Variants in ARHGEF10 observed in about 807,000 individuals in gnomAD.
The protein encoded by ARHGEF10 is Rho guanine nucleotide exchange factor (GEF) 10.
ARHGEF10 carries 140 observed loss-of-function variants against 147.4 expected under a neutral mutation model. That is an observed-to-expected ratio of 0.95 (90% confidence interval 0.83 to 1.09). The LOEUF (loss-of-function observed/expected upper bound fraction) is 1.09. Ranked by LOEUF, ARHGEF10 falls within the 50% of genes least tolerant of loss-of-function variation. ARHGEF10 has a pLI of 0.00. For synonymous variants in ARHGEF10, 902 were observed against 695.8 expected, an observed-to-expected ratio of 1.30 and a Z score of -4.67; for missense variants, 2,222 against 1,752.7, an observed-to-expected ratio of 1.27 and a Z score of -4.78.
rs139937386 is a variant in ARHGEF10 at position 1,885,679 on chromosome 8, C to T, written c.1154C>T (p.Pro385Leu). 81 of 1,613,772 alleles carry T rather than the reference C, an allele frequency of 5.0e-5. No individual in the cohort carries two copies. The highest frequency in any genetic ancestry group is 1.5e-4 in the African/African-American group (11 of 74,894). Residue 385 changes from proline (P) to leucine (L), a missense_variant, in exon 11 of 29, where the codon CCG (proline) becomes CTG (leucine). Physicochemically the swap from Pro to Leu is moderately conservative, Grantham distance 98 (BLOSUM62 -3). Transcript: ENST00000349830. ...DCKHPEAILT[P>L]MPEGLSQQQV... ...AAGCACCCGGAAGCCATCTTGACCC[C>T]GATGCCCGAGGGTTTATCTCAGCAG...
chr8:1,956,938 C>T lies in ARHGEF10; in HGVS notation c.3710C>T (p.Pro1237Leu). Residue 1237 changes from proline to leucine, a missense_variant, in exon 29 of 29, where the codon CCT becomes CTT. Transcript: ENST00000349830. ...GAGSSLSQGD[P>L]DAAIWLGDSL... ...GGTTCATCTCTGAGCCAGGGTGACCCTGACGCAGCCATCTGGTTGGGAGAT... is the reference window on the plus strand; with the variant it reads ...GGTTCATCTCTGAGCCAGGGTGACCTTGACGCAGCCATCTGGTTGGGAGAT... 6.2e-7 allele frequency: 1 copy of T among 1,614,206 alleles called. No homozygotes were observed. The highest frequency in any genetic ancestry group is 8.5e-7 in the Non-Finnish European group (1 of 1,180,042).
intron 17 of ARHGEF10, among the ~76,000 whole-genome samples, chr8:1,908,084 T>C (rs1811044243): frequency 6.6e-6 from 1 of 152,142 alleles, no homozygotes; most frequent in Admixed American, 6.5e-5. Context: ...CCTTCCTGTA[T>C]GGACTGGATG....
chr8:1,926,808 C>T (rs1295374518), intron 23 of ARHGEF10: 2 of 344,322 alleles, frequency 5.8e-6, no homozygotes, highest in Non-Finnish European at 1.1e-5. Flanking sequence ...CCAAGACTGG[C>T]TTTTTCCAGT....
At chr8:1,872,920 G>C (rs1159992420) in intron 7 of ARHGEF10, among the ~76,000 whole-genome samples, 2 of 152,238 alleles carry the variant, frequency 1.3e-5, no homozygotes, top group Non-Finnish European at 2.9e-5. Flanking sequence ...GTGCCACAAA[G>C]AAAGTGAGGA....
intron 16 of ARHGEF10, chr8:1,903,984 C>G (rs1443677020): frequency 6.1e-6 from 1 of 165,196 alleles, no homozygotes; most frequent in Middle Eastern, 3.1e-3. Context: ...ATAGTCTGAG[C>G]TACGTGGGAG....
chr8:1,861,417 C>T (rs1254470194), intron 4 of ARHGEF10, among the ~76,000 whole-genome samples: 2 of 152,338 alleles, frequency 1.3e-5, no homozygotes, highest in East Asian at 1.9e-4. Context: ...CCTCTGTCTT[C>T]AGGAGCGACC....
chr8:1,944,594 G>C (rs1273691041), intron 26 of ARHGEF10, among the ~76,000 whole-genome samples: 1 of 152,220 alleles, frequency 6.6e-6, no homozygotes, highest in Non-Finnish European at 1.5e-5. Flanking sequence ...ACAACTCGTA[G>C]GGCCAAGATG....
chr8:1,861,192 C>G (rs1026756094), intron 4 of ARHGEF10, among the ~76,000 whole-genome samples: 10 of 152,246 alleles, frequency 6.6e-5, no homozygotes, highest in Non-Finnish European at 1.3e-4. Flanking sequence ...GCCATGTGCT[C>G]TAGAAGGGGC....
intron 26 of ARHGEF10, among the ~76,000 whole-genome samples, chr8:1,938,159 ATC>A (rs1813776567): frequency 6.6e-6 from 1 of 152,084 alleles, no homozygotes; most frequent in Non-Finnish European, 1.5e-5. Flanking sequence ...GAGGGGAAGT[ATC>A]TCTTTTTCTC....
At chr8:1,890,935 G>T (rs185768401) in intron 11 of ARHGEF10, among the ~76,000 whole-genome samples, 1 of 152,298 alleles carries the variant, frequency 6.6e-6, no homozygotes, top group Admixed American at 6.5e-5. Context: ...TCCCAAATTA[G>T]TCTCACAGAC....
rs556098436 is a variant in ARHGEF10, at chr8:1,949,531, C to T, written c.3398-3174C>T. Among the ~76,000 whole-genome samples, 5 of 152,164 alleles carry T rather than the reference C, an allele frequency of 3.3e-5. No individual in the cohort carries two copies. The East Asian group carries it at 5.8e-4, about 18-fold the overall frequency. ...CAGGCAGATGTTTCCTGCTCTGTCC[C>T]GCATGTTCAAAGGAGGATATTTTTG... is the stretch of plus-strand genomic sequence containing the variant. On this transcript the variant is annotated intron_variant, in intron 27 of 28. Transcript: ENST00000349830.
At chr8:1,829,316 A>G (rs1282302368) in intron 1 of ARHGEF10, among the ~76,000 whole-genome samples, 1 of 152,240 alleles carries the variant, frequency 6.6e-6, no homozygotes, top group Non-Finnish European at 1.5e-5. Flanking sequence ...TGGTGCGTGC[A>G]GTTCTGAGCC....
At chr8:1,848,498 C>T (rs963246001) in intron 2 of ARHGEF10, among the ~76,000 whole-genome samples, 4 of 152,102 alleles carry the variant, frequency 2.6e-5, no homozygotes, top group African/African-American at 4.8e-5. Flanking sequence ...TGCTGCGCAG[C>T]GATGGGTGTG....
At chr8:1,889,315 T>C in intron 11 of ARHGEF10, among the ~76,000 whole-genome samples, 1 of 100,832 alleles carries the variant, frequency 9.9e-6, no homozygotes, top group Non-Finnish European at 2.0e-5. Flanking sequence ...TGGGGTGAGC[T>C]TTCTTAGGAG....
Position 1,909,420 on chromosome 8 carries a change from T to C in ARHGEF10, c.2093T>C (p.Leu698Pro). The stretch of plus-strand genomic sequence containing the variant: ...GGCACGGGCGAGCACAGCAGGCACC[T>C]TGCCGTTCACCCGCCGGAGAGCCTG... ...SAGTGEHSRH[L>P]AVHPPESLAV... Residue 698 changes from leucine to proline, a missense_variant, in exon 18 of 29, where the codon CTT becomes CCT. Transcript: ENST00000349830. 1 of 1,614,108 alleles carries C rather than the reference T, an allele frequency of 6.2e-7. No individual in the cohort carries two copies. Among genetic ancestry groups the C allele is most frequent in the Non-Finnish European group, 8.5e-7 (1 of 1,180,028 alleles).
chr8:1,875,592 G>A (rs879885662), intron 7 of ARHGEF10, among the ~76,000 whole-genome samples: 6 of 152,196 alleles, frequency 3.9e-5, no homozygotes, highest in South Asian at 2.1e-4. Context: ...CTCATTTCAC[G>A]CATTTTATGG....
intron 7 of ARHGEF10, among the ~76,000 whole-genome samples, chr8:1,871,778 C>T (rs1807149943): frequency 6.6e-6 from 1 of 152,142 alleles, no homozygotes; most frequent in Non-Finnish European, 1.5e-5. Flanking sequence ...GGTTGCACCA[C>T]TACACTCCAG....
At position 1,929,388 on chromosome 8, in the gene ARHGEF10, G is replaced by A; in HGVS notation, c.3024G>A (p.Gln1008=). ...STVMSLACTS[Q]SLYAGLVNGA... ...TCATGAGCCTGGCTTGCACGTCTCA[G>A]AGCCTGTACGCTGGCCTGGTCAACG... is the stretch of plus-strand genomic sequence containing the variant. The change falls in exon 25 of 29, where the codon CAG becomes CAA. Residue 1008 remains glutamine, a synonymous_variant. Coordinates refer to ENST00000349830, the MANE Select transcript of ARHGEF10 (RefSeq NM_014629.4). The A allele has an allele frequency of 6.2e-7, 1 of 1,613,422 alleles. No homozygotes were observed. Among genetic ancestry groups the A allele is most frequent in the Non-Finnish European group, 8.5e-7 (1 of 1,180,028 alleles).
At chr8:1,884,680 C>T (rs1001582700) in intron 10 of ARHGEF10, among the ~76,000 whole-genome samples, 1 of 152,206 alleles carries the variant, frequency 6.6e-6, no homozygotes, top group African/African-American at 2.4e-5. Context: ...TTTCTATCAT[C>T]TAAAAGTGCC....
Sources: allele counts gnomAD v4.1 joint callset (sites outside exome capture counted in the v4.1 genomes callset), GRCh38; gene constraint gnomAD v4.1.1; transcripts MANE v1.5; gene names NCBI Gene and HGNC (gene_info 2026-07-23, HGNC 2026-07-21).